Variants in FHIT observed in about 807,000 individuals in gnomAD.
The protein encoded by FHIT is fragile histidine triad diadenosine triphosphatase.
Under a neutral mutation model 17.9 loss-of-function variants are expected in FHIT, and 19 were observed. The observed-to-expected ratio is 1.06, with a 90% CI of 0.74 to 1.56. FHIT has a LOEUF of 1.56. FHIT is among the 40% of genes most tolerant of loss of function. The pLI is 0.00. For missense variants in FHIT, 248 were observed against 189.2 expected (o/e 1.31, Z -1.82); for synonymous variants, 81 against 69.7 (o/e 1.16, Z -0.81).
At chr3:60,662,204 G>C (rs1479517620) in intron 4 of FHIT, among the ~76,000 whole-genome samples, 1 of 152,162 alleles carries the variant, frequency 6.6e-6, no homozygotes, top group Non-Finnish European at 1.5e-5. Context: ...ACCATCTTGA[G>C]TTGATTTTTG....
chr3:60,417,804 G>A (rs1702306964), intron 5 of FHIT, among the ~76,000 whole-genome samples: 1 of 152,094 alleles, frequency 6.6e-6, no homozygotes, highest in African/African-American at 2.4e-5. Flanking sequence ...TAACGGCCCT[G>A]GCTAATTATG....
chr3:60,131,099 A>G (rs558565341), intron 5 of FHIT, among the ~76,000 whole-genome samples: 10 of 149,254 alleles, frequency 6.7e-5, no homozygotes, highest in Admixed American at 5.4e-4. Context: ...ACACATATAT[A>G]CACACAAACC....
chr3:60,129,042 C>CCTTTTTTTTT (rs1553692314), intron 5 of FHIT, among the ~76,000 whole-genome samples: 112 of 113,042 alleles, frequency 9.9e-4, no homozygotes, highest in African/African-American at 3.6e-3. Context: ...TTCTTCTTTC[C>CCTTTTTTTTT]TTTTTTGTTT....
intron 3 of FHIT, among the ~76,000 whole-genome samples, chr3:60,909,085 T>A (rs1706582042): frequency 6.6e-6 from 1 of 152,060 alleles, no homozygotes; most frequent in Admixed American, 6.6e-5. Context: ...AAGAGGGTAA[T>A]CTTGGCAGGG....
chr3:60,551,105 G>A (rs770035998), intron 4 of FHIT, among the ~76,000 whole-genome samples: 1 of 152,046 alleles, frequency 6.6e-6, no homozygotes, highest in Non-Finnish European at 1.5e-5. Context: ...AGGCAAGAAT[G>A]ATCTCAAGAT....
intron 3 of FHIT, among the ~76,000 whole-genome samples, chr3:60,927,261 G>C (rs186986918): frequency 5.8e-4 from 88 of 152,286 alleles, no homozygotes; most frequent in African/African-American, 2.0e-3. Flanking sequence ...TCGGCCTCCC[G>C]AGGTGCCGGG....
At chr3:60,234,564 T>G (rs577549848) in intron 5 of FHIT, among the ~76,000 whole-genome samples, 23 of 152,368 alleles carry the variant, frequency 1.5e-4, no homozygotes, top group African/African-American at 5.5e-4. Context: ...AAATGTATTG[T>G]TGCCAGAGCT....
At chr3:60,345,824 A>G (rs1008732763) in intron 5 of FHIT, among the ~76,000 whole-genome samples, 2 of 152,156 alleles carry the variant, frequency 1.3e-5, no homozygotes, top group African/African-American at 2.4e-5. Context: ...CATGCTATCA[A>G]TTATAAGAAA....
intron 7 of FHIT, among the ~76,000 whole-genome samples, chr3:59,956,174 A>G (rs1040757685): frequency 2.6e-5 from 4 of 152,108 alleles, no homozygotes; most frequent in African/African-American, 4.8e-5. Flanking sequence ...TTAGTCAGCA[A>G]ACTCTTCTTC....
At chr3:59,942,832 A>G (rs1706595359) in intron 7 of FHIT, among the ~76,000 whole-genome samples, 1 of 151,880 alleles carries the variant, frequency 6.6e-6, no homozygotes, top group East Asian at 1.9e-4. Flanking sequence ...AATTATTTGT[A>G]CAGACAGAGT....
chr3:60,735,067 T>C (rs1485419193), intron 4 of FHIT, among the ~76,000 whole-genome samples: 1 of 152,212 alleles, frequency 6.6e-6, no homozygotes, highest in Non-Finnish European at 1.5e-5. Flanking sequence ...CTTATTTGCA[T>C]TTATTAAAAC....
At chr3:60,050,680 T>C (rs914777594) in intron 5 of FHIT, among the ~76,000 whole-genome samples, 4 of 152,206 alleles carry the variant, frequency 2.6e-5, no homozygotes, top group African/African-American at 9.7e-5. Flanking sequence ...AACTTCATTG[T>C]ATTTTTCATG....
chr3:60,281,399 A>T (rs973158429), intron 5 of FHIT, among the ~76,000 whole-genome samples: 1 of 152,164 alleles, frequency 6.6e-6, no homozygotes, highest in African/African-American at 2.4e-5. Context: ...TGAAGAACAA[A>T]GTTGAAGGAG....
intron 3 of FHIT, among the ~76,000 whole-genome samples, chr3:61,025,592 G>A (rs2032690186): frequency 6.6e-6 from 1 of 152,150 alleles, no homozygotes; most frequent in Non-Finnish European, 1.5e-5. Flanking sequence ...TATTCTTAAT[G>A]TTAGATCAAA....
At chr3:60,949,148 G>A (rs982978087) in intron 3 of FHIT, among the ~76,000 whole-genome samples, 5 of 152,136 alleles carry the variant, frequency 3.3e-5, no homozygotes, top group Non-Finnish European at 7.4e-5. Flanking sequence ...GGAACTCTCT[G>A]CCCTATTCTT....
At chr3:59,947,782 A>G (rs1023296361) in intron 7 of FHIT, among the ~76,000 whole-genome samples, 1 of 152,170 alleles carries the variant, frequency 6.6e-6, no homozygotes, top group African/African-American at 2.4e-5. Flanking sequence ...AAAGCACTTC[A>G]CTGGGGCAGT....
chr3:60,819,442 T>G (rs1701852845), intron 4 of FHIT, among the ~76,000 whole-genome samples: 1 of 152,222 alleles, frequency 6.6e-6, no homozygotes, highest in African/African-American at 2.4e-5. Context: ...ATTATCTACA[T>G]GGTACTTTGC....
At chr3:60,904,666 C>T (rs1018692718) in intron 3 of FHIT, among the ~76,000 whole-genome samples, 3 of 152,074 alleles carry the variant, frequency 2.0e-5, no homozygotes, top group African/African-American at 4.8e-5. Flanking sequence ...CTTGGCCAGG[C>T]GCAGTGGCTC....
At chr3:61,178,860 AT>A (rs2038236290) in intron 2 of FHIT, among the ~76,000 whole-genome samples, 3 of 151,966 alleles carry the variant, frequency 2.0e-5, no homozygotes, top group Admixed American at 6.5e-5. Flanking sequence ...AATGACACCA[AT>A]TTTTTCCCCA....
Sources: allele counts gnomAD v4.1 joint callset (sites outside exome capture counted in the v4.1 genomes callset), GRCh38; gene constraint gnomAD v4.1.1; transcripts MANE v1.5; gene names NCBI Gene and HGNC (gene_info 2026-07-23, HGNC 2026-07-21).